Variants in MELTF observed in about 807,000 individuals in gnomAD.
MELTF encodes the protein antigen p97 (melanoma associated) identified by monoclonal antibodies 133.2 and 96.5.
Under a neutral mutation model 83.7 loss-of-function variants are expected in MELTF, and 67 were observed. The ratio of observed to expected loss-of-function variants is 0.80; its 90% confidence interval spans 0.66 to 0.98. The LOEUF (loss-of-function observed/expected upper bound fraction) is 0.98. MELTF is among the 50% of genes least tolerant of loss of function. The pLI is 0.00. For missense variants in MELTF, 1,002 were observed against 1,035.6 expected, an observed-to-expected ratio of 0.97 and a Z score of 0.44; for synonymous variants, 462 against 447.6, an observed-to-expected ratio of 1.03 and a Z score of -0.41.
In MELTF at chr3:197,008,999, A is replaced by G; in HGVS notation, c.1526-34T>C. 1 of 1,611,634 alleles carries G rather than the reference A, an allele frequency of 6.2e-7. No homozygotes were observed. Among genetic ancestry groups the G allele is most frequent in the Non-Finnish European group, 8.5e-7 (1 of 1,178,682 alleles). On this transcript the variant is annotated intron_variant, in intron 11 of 15. Coordinates refer to ENST00000296350, the MANE Select transcript of MELTF (RefSeq NM_005929.6). This position sits in a 1 kb window ranked among gnomAD's most constrained non-coding sequence, Gnocchi z 5.4. ...GAGGGAAGGGCAATGATGAGGGGCCAGCAGTGGAAAGTGTGGGAGGGAGCT... is the reference window on the plus strand; with the variant it reads ...GAGGGAAGGGCAATGATGAGGGGCCGGCAGTGGAAAGTGTGGGAGGGAGCT...
intron 3 of MELTF, among the ~76,000 whole-genome samples, chr3:197,025,198 C>T (rs535217308): frequency 1.4e-4 from 22 of 152,370 alleles, no homozygotes; most frequent in African/African-American, 4.3e-4. Flanking sequence ...ATCGCACGGG[C>T]GCACACACGC....
intron 7 of MELTF, among the ~76,000 whole-genome samples, 193 bp from the exon 8 acceptor site, chr3:197,016,562 G>T (rs1333029703): frequency 6.6e-6 from 1 of 152,216 alleles, no homozygotes. Context: ...TGTCAGTTCT[G>T]GGTCTACTCT....
At position 197,024,312 on chromosome 3, in the gene MELTF, C is replaced by T. The variant is rs867409018; in HGVS notation, c.478G>A (p.Val160Ile). Residue 160 changes from valine to isoleucine, a missense_variant, in exon 4 of 16, where the codon GTA becomes ATA. Val to Ile is a conservative substitution (Grantham distance 29). Coordinates refer to ENST00000296350, the MANE Select transcript of MELTF (RefSeq NM_005929.6). The surrounding 1 kb of genome is among the most constrained non-coding windows in gnomAD (Gnocchi z 5.3). ...SGRLSVMGCD[V>I]LKAVSDYFGG... ...AGCCCAAAGCCCTCACCTTTGAGTA[C>T]ATCGCAGCCCATCACCGAGAGGCGG... 6.4e-7 allele frequency: 1 copy of T among 1,570,690 alleles called. No individual in the cohort carries two copies. Among genetic ancestry groups the T allele is most frequent in the East Asian group, 2.3e-5 (1 of 44,142 alleles).
rs746201068 is a variant in MELTF, at chr3:197,021,401, C to T, written c.712+3G>A. 6.2e-7 allele frequency: 1 copy of T among 1,614,012 alleles called. No individual in the cohort carries two copies. Among genetic ancestry groups the T allele is most frequent in the South Asian group, 1.1e-5 (1 of 91,080 alleles). ...TCTGGGCCCGTGCCCCTCCCCCACTCACCATCCGTGTTCTCCAGTACCGTG... is the reference window on the plus strand; with the variant it reads ...TCTGGGCCCGTGCCCCTCCCCCACTTACCATCCGTGTTCTCCAGTACCGTG... On this transcript the variant is annotated splice_donor_region_variant and intron_variant, in intron 6 of 15. Coordinates refer to ENST00000296350, the MANE Select transcript of MELTF (RefSeq NM_005929.6).
rs941346776 is a variant in MELTF, at chr3:197,026,893, G to A, written c.205-134C>T. On this transcript the variant is annotated intron_variant, in intron 2 of 15. Coordinates refer to ENST00000296350, the MANE Select transcript of MELTF (RefSeq NM_005929.6). ...GTGCTGTCCTTCTCATCTGTCCCAG[G>A]AGCCCAACCAGAGCCCAGGGCTCTC... 1.5e-5 allele frequency: 10 copies of A among 674,488 alleles called. No individual in the cohort carries two copies. The African/African-American group carries it at 1.8e-4, about 12-fold the overall frequency. 41.8% of individuals were successfully genotyped at this position (674,488 alleles called of 1,614,324 possible).
At chr3:197,028,636 C>T (rs1301816941) in intron 1 of MELTF, 1 of 152,446 alleles carries the variant, frequency 6.6e-6, no homozygotes, top group Non-Finnish European at 1.5e-5. Context: ...TGGACTTCTG[C>T]TTATGCCTCA....
In MELTF at chr3:197,009,816, G is replaced by A. The variant is rs767621350; in HGVS notation, c.1331-4C>T. ...TACGAGTTGCTGCTGTCTTCCGCTG[G>A]GGAGAGAGGGACTCACGTGAGGGGC... On this transcript the variant is annotated splice_region_variant and splice_polypyrimidine_tract_variant and intron_variant, in intron 10 of 15. Transcript: ENST00000296350. 1.2e-5 allele frequency: 19 copies of A among 1,605,554 alleles called. No individual in the cohort carries two copies. The highest frequency in any genetic ancestry group is 1.7e-4 in the Middle Eastern group (1 of 5,920).
At chr3:197,028,394 T>G in intron 1 of MELTF, 1 of 157,748 alleles carries the variant, frequency 6.3e-6, no homozygotes, top group South Asian at 1.9e-4. Context: ...AGGAGCCCTG[T>G]CCCCTCGGGG....
intron 6 of MELTF, chr3:197,019,035 G>T (rs573848284): frequency 1.0e-6 from 1 of 985,408 alleles, no homozygotes; most frequent in South Asian, 4.7e-5. Context: ...AAGATAATTT[G>T]TATGGTCATG....
rs934787961 is a variant in MELTF at position 197,003,363 on chromosome 3, C to T, written c.*9G>A. The T allele has an allele frequency of 3.1e-5, 32 of 1,038,572 alleles. No homozygotes were observed. The Admixed American group carries it at 1.6e-3, about 52-fold the overall frequency. 64.3% of individuals were successfully genotyped at this position (1,038,572 alleles called of 1,614,324 possible). On this transcript the variant is annotated 3_prime_UTR_variant, in exon 16 of 16. Coordinates refer to ENST00000296350, the MANE Select transcript of MELTF (RefSeq NM_005929.6). This position sits in a 1 kb window ranked among gnomAD's most constrained non-coding sequence, Gnocchi z 6.2. ...CGGGCATCGGAGCTCTGGGGCGGGG[C>T]GGCCGGGCTCAGAGGGCGGGCGGGA...
chr3:197,017,531 T>C (rs1719430562), intron 6 of MELTF, among the ~76,000 whole-genome samples: 1 of 152,174 alleles, frequency 6.6e-6, no homozygotes, highest in Non-Finnish European at 1.5e-5. Flanking sequence ...TGGAGGTATC[T>C]GACAGTAATA....
At chr3:197,017,331 G>C (rs1361068839) in intron 6 of MELTF, 41 bp from the exon 7 acceptor site, 1 of 1,468,998 alleles carries the variant, frequency 6.8e-7, no homozygotes, top group South Asian at 1.4e-5. Context: ...CTCCGAAAGG[G>C]GTTGGGGCGG....
At chr3:197,004,155 C>G in intron 14 of MELTF, 56 bp from the exon 15 acceptor site, 1 of 1,523,870 alleles carries the variant, frequency 6.6e-7, no homozygotes, top group Non-Finnish European at 9.1e-7. Flanking sequence ...CAGGGTCACC[C>G]GCCCAGTGCC....
intron 11 of MELTF, 76 bp downstream of exon 11, chr3:197,009,542 C>T: frequency 1.4e-6 from 2 of 1,456,898 alleles, no homozygotes; most frequent in Non-Finnish European, 1.9e-6. Context: ...AAGGTCCTCT[C>T]CCCAACAGGC....
chr3:197,014,383 G>GTTTTTTTTTTTT (rs71623319), intron 9 of MELTF, among the ~76,000 whole-genome samples: 7 of 101,050 alleles, frequency 6.9e-5, no homozygotes, highest in African/African-American at 2.5e-4. Flanking sequence ...AATAGGGAGA[G>GTTTTTTTTTTTT]TTTTTTTTTT....
At position 197,024,220 on chromosome 3, in the gene MELTF, G is replaced by C; in HGVS notation, c.487+83C>G. Reference sequence around the variant, plus strand: ...AAGAATGGTGGCGAGGCCGGAGGGAGGCTACCCAGTGAAGGGACGAGCATG... The same window carrying C: ...AAGAATGGTGGCGAGGCCGGAGGGACGCTACCCAGTGAAGGGACGAGCATG... On this transcript the variant is annotated intron_variant, in intron 4 of 15. Coordinates refer to ENST00000296350, the MANE Select transcript of MELTF (RefSeq NM_005929.6). This position sits in a 1 kb window ranked among gnomAD's most constrained non-coding sequence, Gnocchi z 5.3. The C allele has an allele frequency of 7.1e-7, 1 of 1,414,358 alleles. No homozygotes were observed. Among genetic ancestry groups the C allele is most frequent in the Non-Finnish European group, 9.6e-7 (1 of 1,044,032 alleles). 87.6% of individuals were successfully genotyped at this position (1,414,358 alleles called of 1,614,324 possible).
Position 197,024,512 on chromosome 3 carries a change from G to C in MELTF, c.305-27C>G, listed in dbSNP as rs775421478. The C allele has an allele frequency of 4.5e-6, 7 of 1,545,440 alleles. No homozygotes were observed. In the South Asian group the frequency reaches 8.4e-5, roughly 19 times the overall value. ...TAGGAGGGGAGGGGAGTGGGTGAGG[G>C]CAGCAGGGAGAGGCCTCGAGAGAGG... is the stretch of plus-strand genomic sequence containing the variant. On this transcript the variant is annotated intron_variant, in intron 3 of 15. Transcript: ENST00000296350. This position sits in a 1 kb window ranked among gnomAD's most constrained non-coding sequence, Gnocchi z 5.3.
chr3:197,029,615 G>A lies in MELTF; in HGVS notation c.49+39C>T, dbSNP rs752797399. The A allele has an allele frequency of 3.7e-5, 46 of 1,238,494 alleles. No individual in the cohort carries two copies. The highest frequency in any genetic ancestry group is 4.6e-5 in the Non-Finnish European group (46 of 990,880). 76.7% of individuals were successfully genotyped at this position (1,238,494 alleles called of 1,614,324 possible). Reference sequence around the variant, plus strand: ...GCTCAGCCGGGCCGCGGCGCCCCGGGACCCCCGCCCGCCTTTGGCTCTCAC... The same window carrying A: ...GCTCAGCCGGGCCGCGGCGCCCCGGAACCCCCGCCCGCCTTTGGCTCTCAC... On this transcript the variant is annotated intron_variant, in intron 1 of 15. Coordinates refer to ENST00000296350, the MANE Select transcript of MELTF (RefSeq NM_005929.6). This position sits in a 1 kb window ranked among gnomAD's most constrained non-coding sequence, Gnocchi z 6.5.
At position 197,006,541 on chromosome 3, in the gene MELTF, T is replaced by G. The variant is rs1378380227; in HGVS notation, c.1938+8A>C. On this transcript the variant is annotated splice_region_variant and intron_variant, in intron 14 of 15. Transcript: ENST00000296350. This position sits in a 1 kb window ranked among gnomAD's most constrained non-coding sequence, Gnocchi z 5.4. ...ACCCCTCAATGAGGTAGCCCCACCC[T>G]GGCTCACCTGGGCCTTGTCCAGCAG... The G allele has an allele frequency of 1.9e-6, 3 of 1,610,314 alleles. No homozygotes were observed. The highest frequency in any genetic ancestry group is 2.5e-6 in the Non-Finnish European group (3 of 1,178,300).
Sources: gnomAD v4.1 joint callset for allele counts (sites outside exome capture counted in the v4.1 genomes callset) on GRCh38, gnomAD v4.1.1 for gene constraint, Gnocchi (gnomAD v3.1) non-coding constraint, MANE v1.5 for transcripts, NCBI Gene and HGNC (gene_info 2026-07-23, HGNC 2026-07-21) for gene names.